Variants in PCDHA7 observed in about 807,000 individuals in gnomAD.
PCDHA7 encodes the protein protocadherin alpha-7.
PCDHA7 carries 37 observed loss-of-function variants against 57.2 expected under a neutral mutation model. The observed-to-expected ratio is 0.65, with a 90% CI of 0.50 to 0.85. The LOEUF (loss-of-function observed/expected upper bound fraction) is 0.85, where lower values mean the gene tolerates loss of function less well. Among genes scored for constraint, PCDHA7 ranks in the 40% least tolerant of loss-of-function variants. The pLI is 0.00. For synonymous variants in PCDHA7, 553 were observed against 558.8 expected (o/e 0.99, Z 0.15); for missense variants, 1,188 against 1,241.8 (o/e 0.96, Z 0.65).
chr5:140,874,917 T>G (rs2153317662), intron 1 of PCDHA7, among the ~76,000 whole-genome samples: 2 of 152,292 alleles, frequency 1.3e-5, no homozygotes, highest in Middle Eastern at 6.8e-3. Flanking sequence ...GGAGTGCTTG[T>G]GAAGGTTAAA....
rs567582281 is a variant in PCDHA7 at position 140,946,595 on chromosome 5, G to C, written c.2356-32354G>C. ...CTTAGGTGTTCATAGTGGATGAATA[G>C]ATAAAGAAAATGTGAAATATATATA... On this transcript the variant is annotated intron_variant, in intron 1 of 3. Transcript: ENST00000525929. Among the ~76,000 whole-genome samples, 13 of 108,580 alleles carry C rather than the reference G, an allele frequency of 1.2e-4. No homozygotes were observed. In the South Asian group the frequency reaches 1.5e-3, roughly 12 times the overall value. 71.2% of individuals were successfully genotyped at this position (108,580 alleles called of 152,430 possible).
chr5:140,971,547 C>T (rs904044424), intron 1 of PCDHA7, among the ~76,000 whole-genome samples: 3 of 152,074 alleles, frequency 2.0e-5, no homozygotes, highest in Non-Finnish European at 4.4e-5. Flanking sequence ...GCCAGATCAA[C>T]CTGTTAAATT....
At chr5:140,882,950 C>A in intron 1 of PCDHA7, 1 of 1,614,216 alleles carries the variant, frequency 6.2e-7, no homozygotes, top group Non-Finnish European at 8.5e-7. Context: ...CACAGTTCAG[C>A]TGCTCATCAC....
intron 3 of PCDHA7, among the ~76,000 whole-genome samples, chr5:140,990,165 G>A (rs2097378132): frequency 6.6e-6 from 1 of 152,126 alleles, no homozygotes; most frequent in African/African-American, 2.4e-5. Flanking sequence ...GTTAGGGTAT[G>A]AAAAGGTGAC....
rs2098417673 is a variant in PCDHA7, at chr5:141,010,569, T to C, written c.*632T>C. ...AAAACTACCCCCACTGACAAGGCTT[T>C]AGGAGACCCTAAAGTCTGTTGGCTG... On this transcript the variant is annotated 3_prime_UTR_variant, in exon 4 of 4. Transcript: ENST00000525929. 1.4e-5 allele frequency: 4 copies of C among 283,140 alleles called. No individual in the cohort carries two copies. The South Asian group carries it at 2.4e-4, about 17-fold the overall frequency. The allele number at this position is 283,140 out of a possible 1,614,324, so 17.5% of individuals were successfully genotyped here.
intron 1 of PCDHA7, chr5:140,867,827 C>A (rs1219513690): frequency 2.0e-5 from 3 of 152,066 alleles, no homozygotes; most frequent in Non-Finnish European, 4.4e-5. Context: ...TCCACAAGCA[C>A]TAAGGTAATT....
intron 1 of PCDHA7, chr5:140,849,996 G>T (rs2150462323): frequency 6.3e-7 from 1 of 1,597,124 alleles, no homozygotes; most frequent in East Asian, 2.2e-5. Context: ...GCGGTTGGGC[G>T]AGCGCTCGCT....
chr5:140,836,171 A>G lies in PCDHA7; in HGVS notation c.1788A>G (p.Ala596=), dbSNP rs2150254615. 35 of 1,613,728 alleles carry G rather than the reference A, an allele frequency of 2.2e-5. 2 individuals carry two copies. The South Asian group carries it at 2.5e-4, about 12-fold the overall frequency. Residue 596 remains alanine, a synonymous_variant, in exon 1 of 4, where the codon GCA becomes GCG. Transcript: ENST00000525929. ...GAGHVVAKVR[A]VDADSGYNAW... The stretch of plus-strand genomic sequence containing the variant: ...GCCATGTGGTGGCGAAGGTACGTGC[A>G]GTTGACGCTGACTCAGGCTACAACG...
At chr5:140,975,363 G>T (rs1348174294) in intron 1 of PCDHA7, among the ~76,000 whole-genome samples, 3 of 152,220 alleles carry the variant, frequency 2.0e-5, no homozygotes, top group Non-Finnish European at 2.9e-5. Context: ...GTGCTACATA[G>T]CATAATGTAA....
chr5:140,875,432 T>C (rs1268206649), intron 1 of PCDHA7: 3 of 1,559,782 alleles, frequency 1.9e-6, no homozygotes, highest in Non-Finnish European at 2.6e-6. Flanking sequence ...AGCGATCCCT[T>C]AAAACTGATT....
At chr5:140,876,282 C>T (rs1227830598) in intron 1 of PCDHA7, 3 of 1,613,872 alleles carry the variant, frequency 1.9e-6, no homozygotes, top group Admixed American at 1.7e-5. Flanking sequence ...CCGATCCAGA[C>T]GAAGGACTTA....
intron 1 of PCDHA7, among the ~76,000 whole-genome samples, chr5:140,948,711 C>CT (rs1443735728): frequency 6.8e-6 from 1 of 147,398 alleles, no homozygotes; most frequent in African/African-American, 2.7e-5. Context: ...GTTCTATCCT[C>CT]TTTTTTATCA....
At chr5:140,882,566 G>C in intron 1 of PCDHA7, 2 of 1,614,252 alleles carry the variant, frequency 1.2e-6, no homozygotes, top group Non-Finnish European at 8.5e-7. Flanking sequence ...TGGGCGGAGC[G>C]CGGAGTGCAG....
intron 1 of PCDHA7, chr5:140,854,514 T>G (rs1216926538): frequency 1.3e-5 from 2 of 149,996 alleles, no homozygotes; most frequent in Non-Finnish European, 3.0e-5. Flanking sequence ...AACTGATGGA[T>G]TAAGTGACAC....
intron 1 of PCDHA7, among the ~76,000 whole-genome samples, chr5:140,846,820 A>G (rs1780694955): frequency 6.7e-6 from 1 of 149,706 alleles, no homozygotes; most frequent in Non-Finnish European, 1.5e-5. Flanking sequence ...TTTGAGGTCA[A>G]ATAAAGAATA....
intron 1 of PCDHA7, among the ~76,000 whole-genome samples, chr5:140,919,389 TG>T (rs2079114384): frequency 6.6e-6 from 1 of 152,242 alleles, no homozygotes; most frequent in African/African-American, 2.4e-5. Context: ...AGTTGGATGT[TG>T]TTTTCCTAAA....
In PCDHA7 at chr5:140,834,783, C is replaced by G. The variant is rs2150226514; in HGVS notation, c.400C>G (p.Pro134Ala). 3.1e-6 allele frequency: 5 copies of G among 1,613,810 alleles called. No individual in the cohort carries two copies. The highest frequency in any genetic ancestry group is 4.2e-6 in the Non-Finnish European group (5 of 1,179,964). The change falls in exon 1 of 4, where the codon CCA becomes GCA. Residue 134 changes from proline (P) to alanine (A), a missense_variant. Pro to Ala is a conservative substitution (Grantham distance 27, BLOSUM62 -1). Coordinates refer to ENST00000525929, the MANE Select transcript of PCDHA7 (RefSeq NM_018910.3). ...KDINDNPPVF[P>A]ATQRNLFIAE... ...CATTAACGACAACCCTCCGGTGTTC[C>G]CAGCGACACAAAGGAATCTGTTCAT...
chr5:140,898,263 C>T lies in PCDHA7; in HGVS notation c.2355+61525C>T, dbSNP rs1420763503. The stretch of plus-strand genomic sequence containing the variant: ...GGTGTTTTAGACATGAAGTCCTTGC[C>T]CATGCCTAAGTTCTGAATGGTAATG... On this transcript the variant is annotated intron_variant, in intron 1 of 3. Transcript: ENST00000525929. 2.0e-5 allele frequency among the ~76,000 whole-genome samples: 3 copies of T among 152,270 alleles called. No individual in the cohort carries two copies. In the East Asian group the frequency reaches 5.8e-4, roughly 29 times the overall value.
chr5:140,926,905 G>A (rs1228610236), intron 1 of PCDHA7: 1 of 1,558,988 alleles, frequency 6.4e-7, no homozygotes, highest in Admixed American at 1.8e-5. Flanking sequence ...GGTGGGCTGT[G>A]GGGTGGCAGT....
Sources: gnomAD v4.1 joint callset for allele counts (sites outside exome capture counted in the v4.1 genomes callset) on GRCh38, gnomAD v4.1.1 for gene constraint, MANE v1.5 for transcripts, NCBI Gene and HGNC (gene_info 2026-07-23, HGNC 2026-07-21) for gene names.